The following PACRG variants were observed in gnomAD, a reference collection of about 807,000 sequenced individuals.
PACRG encodes parkin coregulated gene protein.
In PACRG, 29 loss-of-function variants were observed where a neutral mutation model predicts 29.7. The observed-to-expected ratio is 0.98, with a 90% CI of 0.73 to 1.33. PACRG has a LOEUF of 1.33. Among genes scored for constraint, PACRG ranks in the 40% most tolerant of loss-of-function variants. PACRG has a pLI of 0.00. For synonymous variants in PACRG, 116 were observed against 118.7 expected (o/e 0.98, Z 0.15); for missense variants, 279 against 316.2 (o/e 0.88, Z 0.89).
intron 1 of PACRG, among the ~76,000 whole-genome samples, chr6:162,789,935 C>T (rs1043788390): frequency 6.6e-6 from 1 of 152,142 alleles, no homozygotes; most frequent in Non-Finnish European, 1.5e-5. Flanking sequence ...TATCTACCTG[C>T]ATATGGAGTA....
intron 4 of PACRG, among the ~76,000 whole-genome samples, chr6:163,150,997 A>C (rs1778062920): frequency 6.6e-6 from 1 of 152,212 alleles, no homozygotes; most frequent in Non-Finnish European, 1.5e-5. Flanking sequence ...CTTAAGATTG[A>C]AATATATTAA....
intron 2 of PACRG, among the ~76,000 whole-genome samples, chr6:162,904,511 G>A (rs988279640): frequency 6.6e-6 from 1 of 152,194 alleles, no homozygotes; most frequent in Non-Finnish European, 1.5e-5. Flanking sequence ...GGATACAGCC[G>A]TGCTGCCGCC....
intron 2 of PACRG, among the ~76,000 whole-genome samples, chr6:162,845,148 A>G (rs139271791): frequency 2.7e-3 from 410 of 152,342 alleles, no homozygotes; most frequent in Non-Finnish European, 4.9e-3. Context: ...TTAATTAAAT[A>G]ATAATAAATT....
intron 4 of PACRG, among the ~76,000 whole-genome samples, chr6:163,111,176 A>G (rs990247187): frequency 1.3e-5 from 2 of 152,198 alleles, no homozygotes; most frequent in Non-Finnish European, 2.9e-5. Context: ...CCTGGGTTCC[A>G]TTGCAGATAA....
intron 2 of PACRG, among the ~76,000 whole-genome samples, chr6:162,849,281 A>G (rs765948108): frequency 6.6e-6 from 1 of 152,250 alleles, no homozygotes; most frequent in African/African-American, 2.4e-5. Flanking sequence ...TCACACAAGC[A>G]GACAAGTCCG....
intron 4 of PACRG, among the ~76,000 whole-genome samples, chr6:163,305,157 C>G (rs2128191380): frequency 6.6e-6 from 1 of 152,338 alleles, no homozygotes; most frequent in Admixed American, 6.5e-5. Flanking sequence ...CTGAGGGCCT[C>G]CACACCACAT....
At chr6:163,175,486 C>T (rs1005484443) in intron 4 of PACRG, among the ~76,000 whole-genome samples, 3 of 152,020 alleles carry the variant, frequency 2.0e-5, no homozygotes, top group African/African-American at 7.2e-5. Context: ...TGTGACTCTA[C>T]TGCTCCTGAG....
At chr6:163,277,469 GTGTGTGTA>G (rs1420623200) in intron 4 of PACRG, among the ~76,000 whole-genome samples, 1 of 88,360 alleles carries the variant, frequency 1.1e-5, no homozygotes, top group Non-Finnish European at 2.3e-5. Flanking sequence ...ATCTCATGGT[GTGTGTGTA>G]TGTGTGTATA....
At chr6:162,934,730 C>G (rs989553259) in intron 2 of PACRG, among the ~76,000 whole-genome samples, 2 of 152,058 alleles carry the variant, frequency 1.3e-5, no homozygotes, top group Non-Finnish European at 2.9e-5. Context: ...GCTCCTATCT[C>G]TTTCTCATTT....
At chr6:162,961,335 A>G (rs1169640895) in intron 2 of PACRG, among the ~76,000 whole-genome samples, 1 of 152,222 alleles carries the variant, frequency 6.6e-6, no homozygotes, top group East Asian at 1.9e-4. Context: ...TGCAACTGCA[A>G]AGTATCCAGC....
intron 2 of PACRG, among the ~76,000 whole-genome samples, chr6:162,979,879 T>G (rs2128170377): frequency 6.6e-6 from 1 of 151,992 alleles, no homozygotes; most frequent in East Asian, 1.9e-4. Flanking sequence ...TAAAATAAAT[T>G]CACAGGTATT....
chr6:162,775,258 AT>A (rs1783552918), intron 1 of PACRG, among the ~76,000 whole-genome samples: 1 of 152,188 alleles, frequency 6.6e-6, no homozygotes, highest in South Asian at 2.1e-4. Flanking sequence ...ACGATGAGAA[AT>A]AAATTTCTAT....
chr6:162,933,200 T>G (rs1797979695), intron 2 of PACRG, among the ~76,000 whole-genome samples: 1 of 152,180 alleles, frequency 6.6e-6, no homozygotes, highest in South Asian at 2.1e-4. Context: ...TTTTATTACA[T>G]TGTGATGTGA....
intron 4 of PACRG, among the ~76,000 whole-genome samples, chr6:163,177,710 A>AT (rs398003265): frequency 0.26 from 14,134 of 53,436 alleles, 3,237 homozygotes; most frequent in East Asian, 0.48. Flanking sequence ...TAGAAAAGGG[A>AT]TTTTTTTTTT....
At chr6:163,233,051 A>G (rs968276342) in intron 4 of PACRG, among the ~76,000 whole-genome samples, 3 of 152,364 alleles carry the variant, frequency 2.0e-5, no homozygotes, top group Middle Eastern at 3.4e-3. Flanking sequence ...CAGCAACTTC[A>G]AACACATTTT....
chr6:162,793,246 T>G (rs1785103866), intron 1 of PACRG, among the ~76,000 whole-genome samples: 1 of 152,220 alleles, frequency 6.6e-6, no homozygotes, highest in Non-Finnish European at 1.5e-5. Flanking sequence ...GCCATGAACA[T>G]TCTCATAAAC....
intron 4 of PACRG, among the ~76,000 whole-genome samples, chr6:163,226,952 CAT>C (rs1281132023): frequency 5.3e-5 from 8 of 152,270 alleles, no homozygotes; most frequent in African/African-American, 9.6e-5. Context: ...ATTTCACACT[CAT>C]GTGTGAGATA....
At chr6:162,825,512 A>T (rs547443857) in intron 2 of PACRG, among the ~76,000 whole-genome samples, 13 of 152,028 alleles carry the variant, frequency 8.6e-5, no homozygotes, top group African/African-American at 2.9e-4. Flanking sequence ...ATTTGTTGAA[A>T]TTTTTTCAAA....
intron 2 of PACRG, among the ~76,000 whole-genome samples, chr6:162,880,844 G>C (rs1369901358): frequency 6.6e-6 from 1 of 152,202 alleles, no homozygotes; most frequent in Non-Finnish European, 1.5e-5. Context: ...ACGTGGGCAA[G>C]GCTACATTGC....
Sources: allele counts gnomAD v4.1 joint callset (sites outside exome capture counted in the v4.1 genomes callset), GRCh38; gene constraint gnomAD v4.1.1; transcripts MANE v1.5; gene names NCBI Gene and HGNC (gene_info 2026-07-23, HGNC 2026-07-21).